Variants in SETD1B observed in about 807,000 individuals in gnomAD.
SETD1B encodes SET domain containing 1B, histone lysine methyltransferase, also known as histone-lysine N-methyltransferase SETD1B.
In SETD1B, 7 loss-of-function variants were observed where a neutral mutation model predicts 148.0. The ratio of observed to expected loss-of-function variants is 0.05; its 90% CI spans 0.03 to 0.09. The LOEUF (loss-of-function observed/expected upper bound fraction) is 0.09. SETD1B is among the 10% of genes least tolerant of loss of function. The pLI is 1.00. For synonymous variants in SETD1B, 1,361 were observed against 1,186.5 expected (o/e 1.15, Z -3.02); for missense variants, 2,155 against 2,729.9 (o/e 0.79, Z 4.69).
At chr12:121,793,845 C>T in the SETD1B span, 2 of 441,290 alleles carry the variant, frequency 4.5e-6, no homozygotes, top group Non-Finnish European at 7.9e-6. Flanking sequence ...AGGGATACTG[C>T]AGCACCGGAA....
intron 11 of SETD1B, among the ~76,000 whole-genome samples, chr12:121,822,070 AAAT>A (rs1876589065): frequency 6.6e-6 from 1 of 152,226 alleles, no homozygotes; most frequent in Non-Finnish European, 1.5e-5. Context: ...AAAAATAAAA[AAAT>A]AAGTAAATTC....
At position 121,823,535 on chromosome 12, in the gene SETD1B, C is replaced by A; in HGVS notation, c.4956C>A (p.Asp1652Glu). 1 of 1,551,162 alleles carries A rather than the reference C, an allele frequency of 6.4e-7. No homozygotes were observed. Residue 1652 changes from aspartate to glutamate, a missense_variant, in exon 12 of 17, where the codon GAC becomes GAA. Transcript: ENST00000604567. ...WRRPPKKRHE[D>E]LVPPAGSPEL... ...GGCCACCTAAGAAGCGCCATGAGGA[C>A]CTGGTGCCACCTGCGGGCTCGCCCG...
At chr12:121,811,804 C>T (rs945370654) in intron 6 of SETD1B, among the ~76,000 whole-genome samples, 2 of 152,146 alleles carry the variant, frequency 1.3e-5, no homozygotes, top group Admixed American at 6.5e-5. Flanking sequence ...CTTGGCTTGC[C>T]TGGGAGGGTG....
At position 121,817,692 on chromosome 12, in the gene SETD1B, C is replaced by T; in HGVS notation, c.3300C>T (p.Ser1100=). 1 of 1,548,078 alleles carries T rather than the reference C, an allele frequency of 6.5e-7. No homozygotes were observed. Among genetic ancestry groups the T allele is most frequent in the African/African-American group, 1.4e-5 (1 of 73,106 alleles). Residue 1100 remains serine (S), a synonymous_variant, in exon 9 of 17, where the codon TCC becomes TCT. Transcript: ENST00000604567. This position sits in a 1 kb window ranked among gnomAD's most constrained non-coding sequence, Gnocchi z 8.1. ...RSQLSSSSTS[S]TSDKDDDDDD... ...AGCTCTCCTCCTCCTCAACCTCATC[C>T]ACATCAGATAAGGTGCCTAGCAGGC... is the stretch of plus-strand genomic sequence containing the variant.
chr12:121,830,158 C>T lies in SETD1B; in HGVS notation c.5820C>T (p.Thr1940=). ...KQHINVNEEI[T]YDYKFPIEDV... ...ACATTAACGTCAATGAGGAGATTAC[C>T]TATGACTATAAGTTCCCCATCGAGG... is the stretch of plus-strand genomic sequence containing the variant. Residue 1940 remains threonine, a synonymous_variant, in exon 17 of 17, where the codon ACC becomes ACT. Transcript: ENST00000604567. The surrounding 1 kb of genome is among the most constrained non-coding windows in gnomAD (Gnocchi z 5.7). 2 of 1,551,482 alleles carry T rather than the reference C, an allele frequency of 1.3e-6. No individual in the cohort carries two copies. Among genetic ancestry groups the T allele is most frequent in the Non-Finnish European group, 1.7e-6 (2 of 1,146,856 alleles).
rs1876205159 is a variant in SETD1B at position 121,814,649 on chromosome 12, G to C, written c.2434G>C (p.Val812Leu). 1 of 1,548,260 alleles carries C rather than the reference G, an allele frequency of 6.5e-7. No homozygotes were observed. The highest frequency in any genetic ancestry group is 8.7e-7 in the Non-Finnish European group (1 of 1,145,844). ...AAAASAGLQFVNLPPYRGPFS... is the reference protein window; with the variant it reads ...AAAASAGLQFLNLPPYRGPFS... The stretch of plus-strand genomic sequence containing the variant: ...CGCTGCCTCAGCTGGGCTCCAGTTT[G>C]TCAACCTGCCGCCCTACCGGGGCCC... The change falls in exon 7 of 17, where the codon GTC (valine) becomes CTC (leucine). Residue 812 changes from valine to leucine, a missense_variant. Transcript: ENST00000604567.
intron 6 of SETD1B, among the ~76,000 whole-genome samples, chr12:121,811,086 C>G (rs2137554239): frequency 6.6e-6 from 1 of 152,352 alleles, no homozygotes; most frequent in Non-Finnish European, 1.5e-5. Context: ...AGTTCTGATG[C>G]TCTCCTTGTT....
rs74820110 is a variant in SETD1B, at chr12:121,809,672, G to C, written c.727G>C (p.Val243Leu). Residue 243 changes from valine (V) to leucine (L), a missense_variant, in exon 6 of 17, where the codon GTC becomes CTC. By Grantham distance (32) the Val-to-Leu change is conservative. This residue lies in a region of SETD1B where 376 missense variants were observed against 385.0 expected (regional missense o/e 0.98). Transcript: ENST00000604567. ...AGGCTGTGGCTCCGGCTCCTCCTCT[G>C]TCACCCCCAATAGCGGTGGGACACC... is the stretch of plus-strand genomic sequence containing the variant. ...SAGCGSGSSS[V>L]TPNSGGTPFS... is the part of the protein sequence containing the mutation. 1.9e-6 allele frequency: 3 copies of C among 1,551,510 alleles called. No individual in the cohort carries two copies. The Admixed American group carries it at 5.9e-5, about 30-fold the overall frequency.
chr12:121,827,480 C>A lies in SETD1B; in HGVS notation c.5338-39C>A, dbSNP rs765257096. On this transcript the variant is annotated intron_variant, in intron 13 of 16. Transcript: ENST00000604567. ...GCCTAGGGTGGGACCGCCGAGGACA[C>A]GGCCAGCTCCGCTGAGCCCCGCACA... The A allele has an allele frequency of 5.3e-6, 8 of 1,498,154 alleles. No homozygotes were observed. In the East Asian group the frequency reaches 1.7e-4, roughly 33 times the overall value. 92.8% of individuals were successfully genotyped at this position (1,498,154 alleles called of 1,614,324 possible).
chr12:121,812,572 G>T (rs1339310705), intron 6 of SETD1B, among the ~76,000 whole-genome samples: 2 of 152,064 alleles, frequency 1.3e-5, no homozygotes, highest in African/African-American at 4.8e-5. Flanking sequence ...GCCGGCCGGG[G>T]CTGGAGCGCA....
chr12:121,817,116 G>A lies in SETD1B; in HGVS notation c.2799G>A (p.Leu933=), dbSNP rs568429841. ...AGGACCGCATCGCCTCGTGCCTGCT[G>A]GAGTCATGGGGCAAGGGCGAGGGCC... The part of the protein sequence containing the change: ...KPKDRIASCL[L]ESWGKGEGLG... Residue 933 remains leucine, a synonymous_variant, in exon 8 of 17, where the codon CTG becomes CTA. Coordinates refer to ENST00000604567, the MANE Select transcript of SETD1B (RefSeq NM_001353345.2). The surrounding 1 kb of genome is among the most constrained non-coding windows in gnomAD (Gnocchi z 8.1). 6.5e-7 allele frequency: 1 copy of A among 1,549,056 alleles called. No homozygotes were observed. Among genetic ancestry groups the A allele is most frequent in the East Asian group, 2.4e-5 (1 of 40,912 alleles).
chr12:121,828,173 T>A (rs1876931846), intron 16 of SETD1B, 103 bp downstream of exon 16: 62 of 1,453,452 alleles, frequency 4.3e-5, no homozygotes, highest in Non-Finnish European at 5.7e-5. Flanking sequence ...CAGCTCGGCC[T>A]CCTTCCCAAG....
chr12:121,812,567 C>T (rs936982525), intron 6 of SETD1B, among the ~76,000 whole-genome samples: 2 of 152,072 alleles, frequency 1.3e-5, no homozygotes, highest in African/African-American at 4.8e-5. Context: ...GCAGGGCCGG[C>T]CGGGGCTGGA....
Position 121,817,992 on chromosome 12 carries a change from AGC to A in SETD1B, c.3418+89_3418+90del. 1 of 1,331,340 alleles carries A rather than the reference AGC, an allele frequency of 7.5e-7. No individual in the cohort carries two copies. Among genetic ancestry groups the A allele is most frequent in the Non-Finnish European group, 1.0e-6 (1 of 989,482 alleles). The allele number at this position is 1,331,340 out of a possible 1,614,324, so 82.5% of individuals were successfully genotyped here. A position where few individuals can be genotyped will look rare whatever the true frequency, so the allele number is the denominator to read the frequency against. ...TGAGCAATTGTCAGAAATACTTCTGAGCCAAAATGTTGTGCTTTTGAGACGTT... is the reference window on the plus strand; with the variant it reads ...TGAGCAATTGTCAGAAATACTTCTGACAAAATGTTGTGCTTTTGAGACGTT... On this transcript the variant is annotated intron_variant, in intron 10 of 16. Coordinates refer to ENST00000604567, the MANE Select transcript of SETD1B (RefSeq NM_001353345.2). This position sits in a 1 kb window ranked among gnomAD's most constrained non-coding sequence, Gnocchi z 8.1.
In SETD1B at chr12:121,823,323, C is replaced by G; in HGVS notation, c.4744C>G (p.Pro1582Ala). ...LDFRNAGIPA[P>A]PPPLPPQPPP... ...CTTCCGGAACGCGGGGATCCCAGCC[C>G]CTCCACCACCCCTTCCCCCCCAGCC... Residue 1582 changes from proline to alanine, a missense_variant, in exon 12 of 17, where the codon CCT becomes GCT. Pro to Ala is a conservative substitution (Grantham distance 27). Coordinates refer to ENST00000604567, the MANE Select transcript of SETD1B (RefSeq NM_001353345.2). 1 of 1,529,232 alleles carries G rather than the reference C, an allele frequency of 6.5e-7. No homozygotes were observed. The allele number at this position is 1,529,232 out of a possible 1,614,324, so 94.7% of individuals were successfully genotyped here.
In SETD1B at chr12:121,822,658, C is replaced by T. The variant is rs1876620060; in HGVS notation, c.4079C>T (p.Pro1360Leu). ...VPPEPLAEDH[P>L]PHTPGLCGSL... The stretch of plus-strand genomic sequence containing the variant: ...CCGGAGCCCCTTGCCGAGGACCACC[C>T]CCCGCATACTCCAGGCCTCTGTGGC... Residue 1360 changes from proline to leucine, a missense_variant, in exon 12 of 17, where the codon CCC becomes CTC. Pro to Leu is a moderately conservative substitution (Grantham distance 98, BLOSUM62 -3). Coordinates refer to ENST00000604567, the MANE Select transcript of SETD1B (RefSeq NM_001353345.2). 1 of 1,550,674 alleles carries T rather than the reference C, an allele frequency of 6.4e-7. No homozygotes were observed. The highest frequency in any genetic ancestry group is 1.4e-5 in the African/African-American group (1 of 73,124).
intron 7 of SETD1B, among the ~76,000 whole-genome samples, chr12:121,816,641 G>A (rs1876304554): frequency 6.6e-6 from 1 of 152,258 alleles, no homozygotes; most frequent in Non-Finnish European, 1.5e-5. Context: ...TTAGTGAGCA[G>A]TGAAATAAAG....
intron 13 of SETD1B, among the ~76,000 whole-genome samples, chr12:121,825,582 G>A (rs1381437804): frequency 6.6e-6 from 1 of 152,150 alleles, no homozygotes; most frequent in Non-Finnish European, 1.5e-5. Flanking sequence ...CCTCCAAAGG[G>A]TTTAATTAGG....
In SETD1B at chr12:121,808,632, C is replaced by T. The variant is rs1295490985; in HGVS notation, c.657+312C>T. Reference sequence around the variant, plus strand: ...CAGAGCCTGCCCTGGCCCGCTTTTCCACGTTGATGCCAAACATTGCTGTTT... The same window carrying T: ...CAGAGCCTGCCCTGGCCCGCTTTTCTACGTTGATGCCAAACATTGCTGTTT... On this transcript the variant is annotated intron_variant, in intron 5 of 16. Coordinates refer to ENST00000604567, the MANE Select transcript of SETD1B (RefSeq NM_001353345.2). The surrounding 1 kb of genome is among the most constrained non-coding windows in gnomAD (Gnocchi z 5.3). Among the ~76,000 whole-genome samples the T allele has an allele frequency of 2.6e-5, 4 of 152,232 alleles. No homozygotes were observed. The East Asian group carries it at 7.7e-4, about 29-fold the overall frequency.
Sources: allele counts gnomAD v4.1 joint callset (sites outside exome capture counted in the v4.1 genomes callset), GRCh38; gene constraint gnomAD v4.1.1; regional missense constraint gnomAD v4.1.1; non-coding constraint Gnocchi (gnomAD v3.1); transcripts MANE v1.5; gene names NCBI Gene and HGNC (gene_info 2026-07-23, HGNC 2026-07-21).